The following TNPO3 variants were observed in gnomAD, a reference collection of about 807,000 sequenced individuals.
TNPO3 encodes transportin 3, also known as transportin-3.
Under a neutral mutation model 122.8 loss-of-function variants are expected in TNPO3, and 65 were observed. The ratio of observed to expected loss-of-function variants is 0.53; its 90% confidence interval spans 0.43 to 0.65. The LOEUF (loss-of-function observed/expected upper bound fraction) is 0.65. Ranked by LOEUF, TNPO3 falls within the 30% of genes least tolerant of loss-of-function variation. The pLI is 0.00. For missense variants in TNPO3, 850 were observed against 1,136.7 expected (o/e 0.75, Z 3.63); for synonymous variants, 372 against 411.2 (o/e 0.90, Z 1.15).
intron 18 of TNPO3, among the ~76,000 whole-genome samples, chr7:128,973,134 A>G (rs1014677829): frequency 6.6e-6 from 1 of 152,226 alleles, no homozygotes; most frequent in South Asian, 2.1e-4. Flanking sequence ...TCCTAGGTTA[A>G]AAAGTCCTAA....
At chr7:128,995,000 A>G (rs569580990) in intron 8 of TNPO3, among the ~76,000 whole-genome samples, 4 of 152,176 alleles carry the variant, frequency 2.6e-5, no homozygotes, top group South Asian at 2.1e-4. Context: ...AGGTCTCACT[A>G]TATTACCCAG....
chr7:128,998,178 C>T (rs1033618093), intron 7 of TNPO3, among the ~76,000 whole-genome samples: 4 of 151,700 alleles, frequency 2.6e-5, no homozygotes, highest in East Asian at 1.9e-4. Context: ...CAGCCAGGCG[C>T]GAAACACCAT....
At chr7:129,056,050 G>A (rs1234253938), upstream of TNPO3, 4 of 1,153,942 alleles carry the variant, frequency 3.5e-6, no homozygotes, top group African/African-American at 3.0e-5. Flanking sequence ...TTCGTGGGGA[G>A]GAACTGGAAG....
At position 128,979,204 on chromosome 7, in the gene TNPO3, A is replaced by G. The variant is rs1799387413; in HGVS notation, c.1921-81T>C. ...AAAACTGCTAAGTTGGTAACACCTC[A>G]TTTAGCTTTTAAATAACTGGGACAA... On this transcript the variant is annotated intron_variant, in intron 15 of 22. Transcript: ENST00000265388. The G allele has an allele frequency of 1.0e-5, 16 of 1,549,994 alleles. 1 individual carries two copies. In the African/African-American group the frequency reaches 1.4e-4, roughly 13 times the overall value.
At chr7:129,055,527 CAACTG>C (rs1809384879), upstream of TNPO3, 1 of 158,938 alleles carries the variant, frequency 6.3e-6, no homozygotes. Flanking sequence ...GACACGTAGT[CAACTG>C]AACTATTTTA....
chr7:129,025,397 A>C (rs60095945), intron 1 of TNPO3, among the ~76,000 whole-genome samples: 77 of 133,494 alleles, frequency 5.8e-4, no homozygotes, highest in African/African-American at 1.7e-3. Context: ...AAAAAAAAAA[A>C]CCAGCTGGAC....
chr7:129,000,514 T>C lies in TNPO3; in HGVS notation c.926A>G (p.Lys309Arg). 6.2e-7 allele frequency: 1 copy of C among 1,614,066 alleles called. No homozygotes were observed. Among genetic ancestry groups the C allele is most frequent in the Non-Finnish European group, 8.5e-7 (1 of 1,180,008 alleles). ...FTELCETFLE[K>R]IVCTPGQGLG... The stretch of plus-strand genomic sequence containing the variant: ...ACCTTGGCCTGGAGTACAAACAATT[T>C]TTTCAAGAAAAGTTTCACATAGTTC... The change falls in exon 7 of 23, where the codon AAA becomes AGA. Residue 309 changes from lysine to arginine, a missense_variant. By Grantham distance (26) the Lys-to-Arg change is conservative (BLOSUM62 2). Transcript: ENST00000265388.
Position 128,975,840 on chromosome 7 carries a change from C to G in TNPO3, c.2157G>C (p.Gln719His). 2 of 1,613,680 alleles carry G rather than the reference C, an allele frequency of 1.2e-6. No individual in the cohort carries two copies. The highest frequency in any genetic ancestry group is 4.5e-5 in the East Asian group (2 of 44,876). Residue 719 changes from glutamine to histidine, a missense_variant, in exon 17 of 23, where the codon CAG becomes CAC. Transcript: ENST00000265388. ...DEYGMEEGCR[Q>H]GLLDMLQALC... ...ATACCTGGAGCATGTCTAGCAGTCC[C>G]TGCCGACAGCCTTCTTCCATGCCAT...
chr7:128,962,916 TA>T (rs1797605092), intron 21 of TNPO3, among the ~76,000 whole-genome samples: 1 of 152,190 alleles, frequency 6.6e-6, no homozygotes, highest in Non-Finnish European at 1.5e-5. Flanking sequence ...ATTTCAGACT[TA>T]CCATATTATT....
chr7:129,034,263 G>A (rs1037489689), intron 1 of TNPO3, among the ~76,000 whole-genome samples: 7 of 152,248 alleles, frequency 4.6e-5, no homozygotes, highest in Non-Finnish European at 8.8e-5. Context: ...GCTCACGCCT[G>A]TAATCCCAAC....
At chr7:129,045,852 A>G (rs2150553639) in intron 1 of TNPO3, among the ~76,000 whole-genome samples, 1 of 152,314 alleles carries the variant, frequency 6.6e-6, no homozygotes, top group Admixed American at 6.5e-5. Context: ...AAAGACATGA[A>G]ATGTTCTATA....
chr7:128,979,047 A>C lies in TNPO3; in HGVS notation c.1997T>G (p.Leu666Arg), dbSNP rs1799369253. The C allele has an allele frequency of 6.2e-7, 1 of 1,614,148 alleles. No individual in the cohort carries two copies. Among genetic ancestry groups the C allele is most frequent in the African/African-American group, 1.3e-5 (1 of 74,956 alleles). ...GCCTACACAGCGAACAGCAAAGCGC[A>C]GGCACCTGCAACAACGCTCTACAAT... ...NRIVERCCRC[L>R]RFAVRCVGKG... is the part of the protein sequence containing the mutation. The change falls in exon 16 of 23, where the codon CTG becomes CGG. Residue 666 changes from leucine to arginine, a missense_variant. Leu to Arg is a moderately radical substitution (Grantham distance 102). Coordinates refer to ENST00000265388, the MANE Select transcript of TNPO3 (RefSeq NM_012470.4).
chr7:129,009,916 AACTG>A (rs1802997601), intron 4 of TNPO3, among the ~76,000 whole-genome samples: 1 of 152,212 alleles, frequency 6.6e-6, no homozygotes, highest in African/African-American at 2.4e-5. Context: ...AAAGTTAGGA[AACTG>A]ACTGGTAAAG....
intron 10 of TNPO3, among the ~76,000 whole-genome samples, chr7:128,991,097 T>C (rs1222253905): frequency 2.6e-5 from 4 of 152,220 alleles, no homozygotes; most frequent in African/African-American, 9.6e-5. Context: ...ACATTAATGA[T>C]TTTAATAATC....
Position 128,955,033 on chromosome 7 carries a change from A to G in TNPO3, c.*384T>C. 1 of 311,228 alleles carries G rather than the reference A, an allele frequency of 3.2e-6. No homozygotes were observed. 19.3% of individuals were successfully genotyped at this position (311,228 alleles called of 1,614,324 possible). On this transcript the variant is annotated 3_prime_UTR_variant, in exon 23 of 23. Transcript: ENST00000265388. ...TGTGCGTGTATGTGTGTGTGCGTGCATGTGTCATTTGCTACCAGGTGAATG... is the reference window on the plus strand; with the variant it reads ...TGTGCGTGTATGTGTGTGTGCGTGCGTGTGTCATTTGCTACCAGGTGAATG...
upstream of TNPO3, chr7:129,055,827 T>TAA (rs1183712667): frequency 1.7e-5 from 9 of 532,538 alleles, no homozygotes. Context: ...GGACAAAAGG[T>TAA]AACAGTATAT....
intron 1 of TNPO3, chr7:129,041,697 T>C: frequency 4.1e-6 from 4 of 985,476 alleles, no homozygotes; most frequent in Non-Finnish European, 4.8e-6. Context: ...CAGCTCCCAC[T>C]AGCAGCACAT....
intron 3 of TNPO3, among the ~76,000 whole-genome samples, chr7:129,016,553 T>C (rs2150432060): frequency 6.6e-6 from 1 of 152,354 alleles, no homozygotes; most frequent in East Asian, 1.9e-4. Flanking sequence ...GAATACTTGT[T>C]TCAAAGTAGC....
intron 21 of TNPO3, among the ~76,000 whole-genome samples, chr7:128,959,338 C>G (rs1797210310): frequency 6.6e-6 from 1 of 152,036 alleles, no homozygotes; most frequent in African/African-American, 2.4e-5. Flanking sequence ...TAAATTTTAC[C>G]CTTCCTCAAG....
Sources: gnomAD v4.1 joint callset for allele counts (sites outside exome capture counted in the v4.1 genomes callset) on GRCh38, gnomAD v4.1.1 for gene constraint, MANE v1.5 for transcripts, NCBI Gene and HGNC (gene_info 2026-07-23, HGNC 2026-07-21) for gene names.